The following FSTL4 variants were observed in gnomAD, a reference collection of about 807,000 sequenced individuals.
The protein encoded by FSTL4 is follistatin like 4.
Under a neutral mutation model 78.2 loss-of-function variants are expected in FSTL4, and 28 were observed. That is an observed-to-expected ratio of 0.36 (90% confidence interval 0.27 to 0.49). FSTL4 has a LOEUF of 0.49. FSTL4 is among the 20% of genes least tolerant of loss of function. The pLI is 0.98. For synonymous variants in FSTL4, 422 were observed against 440.5 expected (o/e 0.96, Z 0.53); for missense variants, 922 against 1,084.9 (o/e 0.85, Z 2.11).
chr5:133,211,926 C>T (rs1750740844), intron 13 of FSTL4, among the ~76,000 whole-genome samples: 1 of 152,206 alleles, frequency 6.6e-6, no homozygotes, highest in Admixed American at 6.5e-5. Context: ...CTTCTCCACT[C>T]ATCACCATCT....
the FSTL4 span, among the ~76,000 whole-genome samples, chr5:133,663,359 A>G: frequency 2.6e-5 from 4 of 152,322 alleles, no homozygotes; most frequent in Admixed American, 6.5e-5. Flanking sequence ...CATGAAGGGA[A>G]CTAACTCTAC....
At chr5:133,841,699 G>A in the FSTL4 span, among the ~76,000 whole-genome samples, 114 of 152,342 alleles carry the variant, frequency 7.5e-4, 2 homozygotes, top group Non-Finnish European at 5.9e-5. Flanking sequence ...CACAGGGCCA[G>A]CAGGGAAGGC....
At chr5:133,762,467 A>T in the FSTL4 span, among the ~76,000 whole-genome samples, 4 of 152,338 alleles carry the variant, frequency 2.6e-5, no homozygotes, top group South Asian at 8.3e-4. Context: ...AACTTTTAGG[A>T]CTGAGAGGAT....
At chr5:133,404,842 C>T (rs980964520) in intron 3 of FSTL4, among the ~76,000 whole-genome samples, 1 of 152,222 alleles carries the variant, frequency 6.6e-6, no homozygotes. Flanking sequence ...CAACCAAGAG[C>T]ACAGACAGTT....
chr5:133,333,871 C>G (rs1347518469), intron 4 of FSTL4: 1 of 152,310 alleles, frequency 6.6e-6, no homozygotes, highest in East Asian at 1.9e-4. Context: ...CCCTCAGACA[C>G]AGAGCCATGA....
chr5:133,245,814 C>G (rs1019145372), intron 7 of FSTL4, among the ~76,000 whole-genome samples: 1 of 152,126 alleles, frequency 6.6e-6, no homozygotes, highest in Admixed American at 6.5e-5. Context: ...TGGCTCCAGG[C>G]GAGAGGGGTA....
chr5:133,536,982 T>A (rs1287161787), intron 3 of FSTL4, among the ~76,000 whole-genome samples: 1 of 152,202 alleles, frequency 6.6e-6, no homozygotes, highest in Non-Finnish European at 1.5e-5. Flanking sequence ...GAGAGGTTGC[T>A]CCTGGGAGTG....
intron 3 of FSTL4, among the ~76,000 whole-genome samples, chr5:133,527,007 C>T (rs1759143932): frequency 6.6e-6 from 1 of 152,146 alleles, no homozygotes; most frequent in Non-Finnish European, 1.5e-5. Context: ...CAGCCACAAT[C>T]ACTGTGGATG....
At chr5:133,711,623 C>A in the FSTL4 span, among the ~76,000 whole-genome samples, 2 of 152,346 alleles carry the variant, frequency 1.3e-5, no homozygotes, top group South Asian at 4.1e-4. Flanking sequence ...GTGACAGACA[C>A]AGAGCTGAGC....
At chr5:133,280,397 C>T (rs1447487326) in intron 6 of FSTL4, among the ~76,000 whole-genome samples, 1 of 152,160 alleles carries the variant, frequency 6.6e-6, no homozygotes, top group Non-Finnish European at 1.5e-5. Flanking sequence ...AGCTCGCCAC[C>T]TCAGAGCCCA....
intron 3 of FSTL4, among the ~76,000 whole-genome samples, chr5:133,520,896 G>A (rs1384166669): frequency 4.6e-5 from 7 of 152,214 alleles, no homozygotes; most frequent in Admixed American, 6.5e-5. Flanking sequence ...GGAAGAAGGT[G>A]GTTCTGGCAG....
chr5:133,569,803 G>A (rs1167297459), intron 2 of FSTL4, among the ~76,000 whole-genome samples: 1 of 151,950 alleles, frequency 6.6e-6, no homozygotes, highest in Non-Finnish European at 1.5e-5. Flanking sequence ...TTAAAAATAT[G>A]CTGCTGGATT....
At chr5:133,602,032 C>T (rs1046095428) in intron 2 of FSTL4, among the ~76,000 whole-genome samples, 3 of 151,920 alleles carry the variant, frequency 2.0e-5, no homozygotes, top group Admixed American at 2.0e-4. Context: ...CATCCTAAGC[C>T]CTAGGCCCAT....
intron 6 of FSTL4, among the ~76,000 whole-genome samples, chr5:133,273,454 T>G (rs1262031775): frequency 6.6e-6 from 1 of 152,158 alleles, no homozygotes; most frequent in African/African-American, 2.4e-5. Context: ...CCTGGGGCCC[T>G]GTGTGGCCTG....
intron 7 of FSTL4, among the ~76,000 whole-genome samples, chr5:133,245,851 C>T (rs1752025286): frequency 6.6e-6 from 1 of 152,200 alleles, no homozygotes; most frequent in Non-Finnish European, 1.5e-5. Context: ...AAATATTATT[C>T]TGATGCTCAG....
At chr5:133,574,674 T>C (rs1051486160) in intron 2 of FSTL4, among the ~76,000 whole-genome samples, 2 of 152,200 alleles carry the variant, frequency 1.3e-5, no homozygotes, top group Non-Finnish European at 2.9e-5. Flanking sequence ...TGATATGTAA[T>C]GCAAATGTCC....
intron 3 of FSTL4, among the ~76,000 whole-genome samples, chr5:133,438,859 A>T (rs1220344096): frequency 6.6e-6 from 1 of 152,238 alleles, no homozygotes; most frequent in Non-Finnish European, 1.5e-5. Flanking sequence ...GCTGCAGGCT[A>T]AGAATGGGGT....
intron 8 of FSTL4, among the ~76,000 whole-genome samples, chr5:133,229,563 T>C (rs903496347): frequency 5.9e-5 from 9 of 151,956 alleles, no homozygotes; most frequent in African/African-American, 2.2e-4. Context: ...ACAAAACAAT[T>C]CTGAATTTAG....
chr5:133,440,589 T>C lies in FSTL4; in HGVS notation c.161-39603A>G, dbSNP rs972155227. Among the ~76,000 whole-genome samples, 1 of 152,166 alleles carries C rather than the reference T, an allele frequency of 6.6e-6. No homozygotes were observed. Among genetic ancestry groups the C allele is most frequent in the Non-Finnish European group, 1.5e-5 (1 of 68,008 alleles). ...CCAGGATGGATGTGCCAAGGAGGGC[T>C]AATAGTTTTCCATGGAGCTGGGTCA... On this transcript the variant is annotated intron_variant, in intron 3 of 15. Coordinates refer to ENST00000265342, the MANE Select transcript of FSTL4 (RefSeq NM_015082.2). The surrounding 1 kb of genome is among the most constrained non-coding windows in gnomAD (Gnocchi z 4.1).
Sources: allele counts gnomAD v4.1 joint callset (sites outside exome capture counted in the v4.1 genomes callset), GRCh38; gene constraint gnomAD v4.1.1; non-coding constraint Gnocchi (gnomAD v3.1); transcripts MANE v1.5; gene names NCBI Gene and HGNC (gene_info 2026-07-23, HGNC 2026-07-21).